TMEM232: variants seen among roughly 807,000 people sequenced by gnomAD.
TMEM232 encodes transmembrane protein 232.
A neutral mutation model predicts 78.8 loss-of-function variants in TMEM232; 80 were observed. The ratio of observed to expected loss-of-function variants is 1.01; its 90% CI spans 0.85 to 1.22. The LOEUF is 1.22. Ranked by LOEUF, TMEM232 falls within the 50% of genes most tolerant of loss-of-function variation. The probability of loss-of-function intolerance (pLI) is 0.00; values close to 1 mark genes in which losing one functional copy is unlikely to be tolerated. For synonymous variants in TMEM232, 297 were observed against 254.3 expected, an observed-to-expected ratio of 1.17 and a Z score of -1.60; for missense variants, 881 against 742.2, an observed-to-expected ratio of 1.19 and a Z score of -2.17.
At chr5:110,438,534 G>T (rs1306746636) in intron 12 of TMEM232, among the ~76,000 whole-genome samples, 1 of 151,736 alleles carries the variant, frequency 6.6e-6, no homozygotes, top group Non-Finnish European at 1.5e-5. Flanking sequence ...TTTCTATAAG[G>T]TTCTTTTATT....
intron 12 of TMEM232, among the ~76,000 whole-genome samples, chr5:110,509,140 A>AT (rs1767385330): frequency 6.6e-6 from 1 of 150,856 alleles, no homozygotes; most frequent in African/African-American, 2.4e-5. Context: ...TATTTAAAAA[A>AT]ATTTTTTTGG....
At chr5:110,420,977 C>G (rs1281331692) in intron 13 of TMEM232, among the ~76,000 whole-genome samples, 1 of 140,282 alleles carries the variant, frequency 7.1e-6, no homozygotes, top group Non-Finnish European at 1.6e-5. Context: ...TATTTAAAGA[C>G]AAAAAAAAAA....
chr5:110,637,603 A>G (rs1283056300), intron 5 of TMEM232, among the ~76,000 whole-genome samples: 1 of 151,590 alleles, frequency 6.6e-6, no homozygotes, highest in East Asian at 1.9e-4. Context: ...AACCATCTTA[A>G]AAAATACTTT....
intron 12 of TMEM232, among the ~76,000 whole-genome samples, chr5:110,487,938 C>T (rs1041570801): frequency 5.3e-5 from 8 of 151,900 alleles, no homozygotes; most frequent in Admixed American, 2.6e-4. Flanking sequence ...ATCAAAATAC[C>T]ACCATTCTTC....
chr5:110,667,062 T>C lies in TMEM232; in HGVS notation c.125+166A>G, dbSNP rs571657741. Among the ~76,000 whole-genome samples the C allele has an allele frequency of 3.3e-5, 5 of 152,144 alleles. No individual in the cohort carries two copies. The South Asian group carries it at 1.0e-3, about 31-fold the overall frequency. On this transcript the variant is annotated intron_variant, in intron 2 of 13. Transcript: ENST00000455884. ...CAAACAAAACGTGTAGAATTCAAAA[T>C]TTTAGAAAGCACATAATTACAATAA...
intron 1 of TMEM232, among the ~76,000 whole-genome samples, chr5:110,687,219 A>G (rs1793526869): frequency 6.6e-6 from 1 of 152,128 alleles, no homozygotes; most frequent in Non-Finnish European, 1.5e-5. Flanking sequence ...AGGTATAGCT[A>G]ATCAACACTT....
rs1561456682 is a variant in TMEM232 at position 110,402,275 on chromosome 5, CTGT to C, written n.309-4424_309-4422del. Among the ~76,000 whole-genome samples the C allele has an allele frequency of 3.9e-5, 6 of 152,164 alleles. No individual in the cohort carries two copies. The South Asian group carries it at 1.2e-3, about 32-fold the overall frequency. On this transcript the variant is annotated intron_variant and non_coding_transcript_variant, in intron 2 of 8. Transcript: ENST00000507188. ...ATCATTTTTTCTGCAAAGAAGATTGCTGTTGTTGCTTAAGATTGTTTCCTGAAT... is the reference window on the plus strand; with the variant it reads ...ATCATTTTTTCTGCAAAGAAGATTGCTGTTGCTTAAGATTGTTTCCTGAAT...
chr5:110,731,208 C>G (rs1798647774), upstream of TMEM232, among the ~76,000 whole-genome samples: 1 of 152,202 alleles, frequency 6.6e-6, no homozygotes, highest in South Asian at 2.1e-4. Flanking sequence ...GCAGCTCCAC[C>G]CCTGTGGCTG....
At chr5:110,564,803 C>A (rs1211696491) in intron 11 of TMEM232, among the ~76,000 whole-genome samples, 1 of 151,892 alleles carries the variant, frequency 6.6e-6, no homozygotes, top group Non-Finnish European at 1.5e-5. Context: ...ATCAGGGTGG[C>A]CACCTATTCT....
At chr5:110,723,720 T>C (rs1797882654) in intron 1 of TMEM232, among the ~76,000 whole-genome samples, 1 of 152,236 alleles carries the variant, frequency 6.6e-6, no homozygotes, top group Non-Finnish European at 1.5e-5. Context: ...TAATTTTGTT[T>C]GGAGCAGCAA....
chr5:110,592,775 C>T (rs373795541), intron 10 of TMEM232, among the ~76,000 whole-genome samples: 10 of 152,244 alleles, frequency 6.6e-5, no homozygotes, highest in Admixed American at 1.3e-4. Context: ...GATTACCTTC[C>T]GCCTCTCTAT....
At chr5:110,505,098 T>C (rs1766717690) in intron 12 of TMEM232, among the ~76,000 whole-genome samples, 1 of 152,162 alleles carries the variant, frequency 6.6e-6, no homozygotes, top group African/African-American at 2.4e-5. Flanking sequence ...ATAACCAAAC[T>C]GGAAGAGAAG....
chr5:110,519,593 CT>C (rs1244400682), intron 12 of TMEM232, among the ~76,000 whole-genome samples: 1 of 151,734 alleles, frequency 6.6e-6, no homozygotes, highest in Non-Finnish European at 1.5e-5. Context: ...AACAAAACCA[CT>C]GTATGTTTCA....
At chr5:110,397,542 T>G (rs1256908449) in intron 3 of TMEM232, among the ~76,000 whole-genome samples, 2 of 152,202 alleles carry the variant, frequency 1.3e-5, no homozygotes, top group East Asian at 3.9e-4. Context: ...ATGGAGAAGG[T>G]AAGATTAATA....
intron 12 of TMEM232, among the ~76,000 whole-genome samples, chr5:110,528,054 T>A (rs939901822): frequency 1.3e-5 from 2 of 151,890 alleles, no homozygotes; most frequent in Admixed American, 6.6e-5. Flanking sequence ...CTGAAAGAAA[T>A]CTACCATTGA....
chr5:110,678,738 T>G (rs557448021), intron 1 of TMEM232, among the ~76,000 whole-genome samples: 2 of 152,074 alleles, frequency 1.3e-5, no homozygotes, highest in Non-Finnish European at 2.9e-5. Context: ...TGTCTGTAGT[T>G]TTGCCTTTTC....
At chr5:110,711,610 G>C (rs1796487786) in intron 1 of TMEM232, among the ~76,000 whole-genome samples, 1 of 152,124 alleles carries the variant, frequency 6.6e-6, no homozygotes, top group Non-Finnish European at 1.5e-5. Context: ...GAGCAGAAGA[G>C]AGAATCCAGA....
Position 110,625,484 on chromosome 5 carries a change from T to A in TMEM232, c.602-51A>T, listed in dbSNP as rs569110429. The A allele has an allele frequency of 6.4e-6, 9 of 1,414,002 alleles. No homozygotes were observed. The East Asian group carries it at 2.3e-4, about 37-fold the overall frequency. The allele number at this position is 1,414,002 out of a possible 1,614,324, so 87.6% of individuals were successfully genotyped here. On this transcript the variant is annotated intron_variant, in intron 6 of 13. Transcript: ENST00000455884. ...GAAATAATTTATTAATATTTTGCAC[T>A]GTGTTTCATTTGTCTTTTAGCTATT...
At chr5:110,419,488 T>C (rs569604971), downstream of TMEM232, among the ~76,000 whole-genome samples, 15 of 152,244 alleles carry the variant, frequency 9.9e-5, no homozygotes, top group African/African-American at 3.6e-4. Flanking sequence ...AAAAATTAGT[T>C]GCCAACATTT....
Sources: allele counts gnomAD v4.1 joint callset (sites outside exome capture counted in the v4.1 genomes callset), GRCh38; gene constraint gnomAD v4.1.1; transcripts MANE v1.5; gene names NCBI Gene and HGNC (gene_info 2026-07-23, HGNC 2026-07-21).